MIPEP: variants seen among roughly 807,000 people sequenced by gnomAD.
MIPEP encodes mitochondrial intermediate peptidase.
MIPEP carries 79 observed loss-of-function variants against 90.3 expected under a neutral mutation model. The ratio of observed to expected loss-of-function variants is 0.87; its 90% CI spans 0.73 to 1.05. MIPEP has a LOEUF of 1.05. Ranked by LOEUF, MIPEP falls within the 50% of genes least tolerant of loss-of-function variation. The pLI is 0.00. For synonymous variants in MIPEP, 334 were observed against 315.8 expected, an observed-to-expected ratio of 1.06 and a Z score of -0.61; for missense variants, 940 against 905.6, an observed-to-expected ratio of 1.04 and a Z score of -0.49.
rs1403382241 is a variant in MIPEP, at chr13:23,756,566, C to T, written c.2023G>A (p.Glu675Lys). ...REMLAHGGGR[E>K]PMLMVEGMLQ... ...TTACCTTCAACCATGAGCATGGGCT[C>T]CCTGCCTCCACCGTGGGCCAGCATC... Residue 675 changes from glutamate (E) to lysine (K), a missense_variant, in exon 18 of 19, where the codon GAG (glutamate) becomes AAG (lysine). Glu to Lys is a moderately conservative substitution (Grantham distance 56). Transcript: ENST00000382172. 7 of 1,614,050 alleles carry T rather than the reference C, an allele frequency of 4.3e-6. No homozygotes were observed. The South Asian group carries it at 6.6e-5, about 15-fold the overall frequency.
chr13:23,884,224 G>C (rs186520293), intron 2 of MIPEP, among the ~76,000 whole-genome samples: 250 of 150,844 alleles, frequency 1.7e-3, no homozygotes, highest in Non-Finnish European at 2.7e-3. Context: ...GTGGGGAGGG[G>C]GGGGTGTGAC....
At chr13:23,872,249 G>T (rs1870843002) in intron 5 of MIPEP, among the ~76,000 whole-genome samples, 1 of 152,212 alleles carries the variant, frequency 6.6e-6, no homozygotes. Context: ...ATCACCTGAG[G>T]TCGGGAGTTC....
At chr13:23,779,106 T>A (rs7322274) in intron 16 of MIPEP, among the ~76,000 whole-genome samples, 1 of 152,030 alleles carries the variant, frequency 6.6e-6, no homozygotes, top group Non-Finnish European at 1.5e-5. Flanking sequence ...TTTCAAACCA[T>A]AGGTCAAACC....
chr13:23,864,420 G>A (rs183099360), intron 7 of MIPEP, among the ~76,000 whole-genome samples: 22 of 152,158 alleles, frequency 1.4e-4, no homozygotes, highest in Admixed American at 3.9e-4. Context: ...AATCCACAGC[G>A]TCAGATTCTA....
At chr13:23,872,719 G>A (rs1363361916) in intron 5 of MIPEP, among the ~76,000 whole-genome samples, 3 of 152,094 alleles carry the variant, frequency 2.0e-5, no homozygotes, top group African/African-American at 7.2e-5. Context: ...GGAAAGAGGA[G>A]CTACACTGTA....
In MIPEP at chr13:23,826,825, T is replaced by C. The variant is rs541431657; in HGVS notation, c.1653+9415A>G. ...CAAAATAGGATAAACAAAGTTTGCATTGGTTCTTTGAAAATACAGTCAGCC... is the reference window on the plus strand; with the variant it reads ...CAAAATAGGATAAACAAAGTTTGCACTGGTTCTTTGAAAATACAGTCAGCC... On this transcript the variant is annotated intron_variant, in intron 14 of 18. Transcript: ENST00000382172. Among the ~76,000 whole-genome samples, 4 of 152,346 alleles carry C rather than the reference T, an allele frequency of 2.6e-5. No individual in the cohort carries two copies. The East Asian group carries it at 7.7e-4, about 29-fold the overall frequency.
chr13:23,751,465 C>T (rs1196670034), intron 18 of MIPEP, among the ~76,000 whole-genome samples: 2 of 152,194 alleles, frequency 1.3e-5, no homozygotes, highest in Admixed American at 1.3e-4. Context: ...TTCTTTCCAT[C>T]TGATCTGATG....
intron 16 of MIPEP, among the ~76,000 whole-genome samples, chr13:23,796,530 C>T (rs1156435657): frequency 6.6e-6 from 1 of 151,664 alleles, no homozygotes; most frequent in Non-Finnish European, 1.5e-5. Flanking sequence ...TTGTGCATAA[C>T]AATGCCATTT....
At chr13:23,858,791 C>T (rs1476030755) in intron 10 of MIPEP, 69 bp downstream of exon 10, 10 of 1,375,692 alleles carry the variant, frequency 7.3e-6, no homozygotes, top group Non-Finnish European at 1.0e-5. Context: ...CAGTGGATGA[C>T]AGTAGCTGCT....
intron 9 of MIPEP, 35 bp downstream of exon 9, chr13:23,862,267 T>C: frequency 1.6e-6 from 2 of 1,246,168 alleles, no homozygotes; most frequent in East Asian, 2.5e-5. Context: ...TGACAGACTG[T>C]CTATATTATA....
chr13:23,834,210 C>A (rs1000867532), intron 14 of MIPEP, among the ~76,000 whole-genome samples: 1 of 152,214 alleles, frequency 6.6e-6, no homozygotes, highest in Non-Finnish European at 1.5e-5. Context: ...GCACCCCCTG[C>A]GATCCGCTTC....
chr13:23,794,085 T>C (rs978812858), intron 16 of MIPEP, among the ~76,000 whole-genome samples: 5 of 152,176 alleles, frequency 3.3e-5, no homozygotes, highest in African/African-American at 4.8e-5. Flanking sequence ...AGGGGAAGAC[T>C]GTGAGTCCAG....
chr13:23,756,898 T>C (rs1006844990), intron 17 of MIPEP: 4 of 414,418 alleles, frequency 9.7e-6, no homozygotes, highest in African/African-American at 8.1e-5. Context: ...AATAATTAAC[T>C]TATGTATTAT....
intron 2 of MIPEP, among the ~76,000 whole-genome samples, chr13:23,883,568 T>C (rs892406057): frequency 2.0e-5 from 3 of 152,236 alleles, no homozygotes; most frequent in Non-Finnish European, 4.4e-5. Context: ...AGATTACTTG[T>C]AATACCTAAT....
chr13:23,884,779 T>C (rs1871405127), intron 2 of MIPEP, among the ~76,000 whole-genome samples: 1 of 152,200 alleles, frequency 6.6e-6, no homozygotes, highest in Non-Finnish European at 1.5e-5. Flanking sequence ...CATGTATCCC[T>C]CATGCCTAGA....
intron 16 of MIPEP, among the ~76,000 whole-genome samples, chr13:23,775,616 C>T (rs1378330389): frequency 6.6e-6 from 1 of 151,590 alleles, no homozygotes; most frequent in East Asian, 1.9e-4. Context: ...GTTTTACTTA[C>T]CAAAAAAAGT....
At chr13:23,746,688 T>C (rs1952388113) in intron 18 of MIPEP, among the ~76,000 whole-genome samples, 1 of 150,370 alleles carries the variant, frequency 6.7e-6, no homozygotes, top group Non-Finnish European at 1.5e-5. Context: ...CAAATGACCA[T>C]CTTCAAAAAC....
chr13:23,835,627 G>A (rs555094154), intron 14 of MIPEP, among the ~76,000 whole-genome samples: 3 of 152,262 alleles, frequency 2.0e-5, no homozygotes, highest in South Asian at 2.1e-4. Flanking sequence ...GGGAAAGAAC[G>A]CATCTTCCAA....
chr13:23,786,739 T>A (rs1406319674), intron 16 of MIPEP, among the ~76,000 whole-genome samples: 3 of 152,052 alleles, frequency 2.0e-5, no homozygotes, highest in African/African-American at 4.8e-5. Flanking sequence ...TGGCAAAAAT[T>A]AAAATCAGCA....
Sources: gnomAD v4.1 joint callset for allele counts (sites outside exome capture counted in the v4.1 genomes callset) on GRCh38, gnomAD v4.1.1 for gene constraint, MANE v1.5 for transcripts, NCBI Gene and HGNC (gene_info 2026-07-23, HGNC 2026-07-21) for gene names.